The following USP54 variants were observed in gnomAD, a reference collection of about 807,000 sequenced individuals.
USP54 encodes ubiquitin specific peptidase 54.
USP54 carries 87 observed loss-of-function variants against 170.5 expected under a neutral mutation model. The observed-to-expected ratio is 0.51, with a 90% CI of 0.43 to 0.61. The LOEUF (loss-of-function observed/expected upper bound fraction) is 0.61. Ranked by LOEUF, USP54 falls within the 20% of genes least tolerant of loss-of-function variation. The probability of loss-of-function intolerance (pLI) is 0.00; values close to 1 mark genes in which losing one functional copy is unlikely to be tolerated. For synonymous variants in USP54, 655 were observed against 742.8 expected, an observed-to-expected ratio of 0.88 and a Z score of 1.92; for missense variants, 1,786 against 2,047.8, an observed-to-expected ratio of 0.87 and a Z score of 2.47.
At chr10:73,529,485 A>C in intron 15 of USP54, 195 bp downstream of exon 15, 1 of 668,190 alleles carries the variant, frequency 1.5e-6, no homozygotes, top group Non-Finnish European at 2.7e-6. Context: ...TATTTCAAAT[A>C]GAAAGTTCTC....
chr10:73,600,928 T>C (rs899781790), intron 1 of USP54, among the ~76,000 whole-genome samples: 7 of 152,050 alleles, frequency 4.6e-5, no homozygotes, highest in Admixed American at 2.6e-4. Flanking sequence ...AAACTACCTA[T>C]CAGGTACTAT....
rs1424677984 is a variant in USP54 at position 73,530,318 on chromosome 10, G to A, written c.1653C>T (p.His551=). Residue 551 remains histidine, a synonymous_variant, in exon 14 of 24, where the codon CAC becomes CAT. Transcript: ENST00000687698. ...DKKPPRTLPL[H]SRDWEIESTS... ...TACTCTCTATTTCCCAGTCACGAGA[G>A]TGTAAAGGCAGGGTCCTAGGAGGTT... The A allele has an allele frequency of 3.1e-6, 5 of 1,614,038 alleles. No individual in the cohort carries two copies. In the African/African-American group the frequency reaches 6.7e-5, roughly 22 times the overall value.
chr10:73,529,568 A>C (rs566989977), intron 15 of USP54, 112 bp downstream of exon 15: 15 of 1,181,356 alleles, frequency 1.3e-5, no homozygotes, highest in Non-Finnish European at 1.8e-5. Flanking sequence ...GAGCACATAG[A>C]GATAATAGCA....
intron 1 of USP54, among the ~76,000 whole-genome samples, chr10:73,600,588 T>A (rs973944616): frequency 2.6e-5 from 4 of 152,116 alleles, no homozygotes; most frequent in African/African-American, 9.7e-5. Context: ...TACTTGAGGA[T>A]AGAAGGTGGA....
chr10:73,526,533 C>T (rs2062893858), intron 16 of USP54, 114 bp downstream of exon 16: 2 of 1,464,424 alleles, frequency 1.4e-6, no homozygotes, highest in South Asian at 2.6e-5. Flanking sequence ...AGGTGTGAGC[C>T]ACCGCGCCCG....
In USP54 at chr10:73,530,805, T is replaced by A. The variant is rs1318952964; in HGVS notation, c.1346A>T (p.Lys449Ile). Residue 449 changes from lysine to isoleucine, a missense_variant, in exon 13 of 24, where the codon AAA becomes ATA. Lys to Ile is a moderately radical substitution (Grantham distance 102, BLOSUM62 -3). Around this residue, in one of 3 missense-constraint regions of USP54, gnomAD observed 1,418 missense variants for 1,569.0 expected, o/e 0.90. Transcript: ENST00000687698. Reference sequence around the variant, plus strand: ...CAGTGACCCTTTCTTGGATGTGTGTTTCTGATTACATTCACTATCAGTCAG... The same window carrying A: ...CAGTGACCCTTTCTTGGATGTGTGTATCTGATTACATTCACTATCAGTCAG... ...GHLTDSECNQ[K>I]HTSKKGSLIE... is the part of the protein sequence containing the mutation. 3 of 1,614,100 alleles carry A rather than the reference T, an allele frequency of 1.9e-6. No homozygotes were observed. Among genetic ancestry groups the A allele is most frequent in the Non-Finnish European group, 2.5e-6 (3 of 1,179,994 alleles).
At chr10:73,583,101 G>A in intron 1 of USP54, among the ~76,000 whole-genome samples, 1 of 152,070 alleles carries the variant, frequency 6.6e-6, no homozygotes, top group Non-Finnish European at 1.5e-5. Context: ...AACTGATATT[G>A]ATCAATACTC....
At chr10:73,571,010 C>T (rs1034776958) in intron 4 of USP54, among the ~76,000 whole-genome samples, 20 of 151,760 alleles carry the variant, frequency 1.3e-4, no homozygotes, top group Non-Finnish European at 1.8e-4. Flanking sequence ...TGGTGGCACA[C>T]GCCTATAATC....
At chr10:73,588,281 G>A (rs944560772) in intron 1 of USP54, among the ~76,000 whole-genome samples, 1 of 152,040 alleles carries the variant, frequency 6.6e-6, no homozygotes, top group African/African-American at 2.4e-5. Context: ...GTACAGTGGC[G>A]TGATCTTGGC....
intron 17 of USP54, among the ~76,000 whole-genome samples, chr10:73,521,944 C>T (rs922577083): frequency 1.3e-5 from 2 of 152,172 alleles, no homozygotes; most frequent in African/African-American, 2.4e-5. Context: ...CATAATCATA[C>T]ATTGGCAGCA....
intron 3 of USP54, among the ~76,000 whole-genome samples, chr10:73,573,299 A>T (rs1215119197): frequency 6.6e-6 from 1 of 152,170 alleles, no homozygotes; most frequent in Non-Finnish European, 1.5e-5. Context: ...CTCCAAAAAA[A>T]AGAGAAAGAA....
intron 20 of USP54, chr10:73,513,099 G>A (rs1241543078): frequency 2.0e-5 from 3 of 152,102 alleles, no homozygotes; most frequent in Non-Finnish European, 4.4e-5. Flanking sequence ...AGGAGCTCAT[G>A]AGAAACGTGA....
At position 73,619,280 on chromosome 10, in the gene USP54, C is replaced by T. The variant is rs562725252; in HGVS notation, c.-18+6287G>A. 3.3e-4 allele frequency among the ~76,000 whole-genome samples: 50 copies of T among 150,118 alleles called. 5 individuals are homozygous for T. The highest frequency in any genetic ancestry group is 1.2e-3 in the African/African-American group (49 of 39,676). On this transcript the variant is annotated intron_variant, in intron 1 of 22. Coordinates refer to the USP54 transcript ENST00000339859. ...TGTCTGTTAGTTACTCAGCCTGGAG[C>T]GCAGTAGTGGAATCATGGCTCACTA...
At chr10:73,625,617 T>G (rs546257435) in exon 1 of USP54, 1 of 152,796 alleles carries the variant, frequency 6.5e-6, no homozygotes, top group African/African-American at 2.4e-5. Flanking sequence ...CAATGTAGCC[T>G]GGTCCCTTTA....
intron 20 of USP54, among the ~76,000 whole-genome samples, chr10:73,508,202 T>C (rs961785790): frequency 1.3e-5 from 2 of 151,294 alleles, no homozygotes; most frequent in Non-Finnish European, 2.9e-5. Flanking sequence ...AGGTCAGGAG[T>C]TCAAGACCAC....
rs1434233868 is a variant in USP54 at position 73,516,416 on chromosome 10, C to T, written c.4010G>A (p.Trp1337Ter). 6.2e-7 allele frequency: 1 copy of T among 1,613,930 alleles called. No homozygotes were observed. The stretch of plus-strand genomic sequence containing the variant: ...GTGCCAGGCGGTATCCTGCTGCCCC[C>T]ATCCAGAACAGCCAGCTTGAGAAGC... ...LQASQAGCSGWGQQDTAWHPL... is the reference protein window; with the variant it reads ...LQASQAGCSG The change falls in exon 20 of 24, where the codon TGG becomes TAG. Residue 1337 changes from tryptophan (W) to a stop codon, truncating the protein, a stop_gained. Transcript: ENST00000687698. LOFTEE classifies it high-confidence loss of function.
At chr10:73,503,048 C>T (rs1030498924) in intron 22 of USP54, among the ~76,000 whole-genome samples, 1 of 152,176 alleles carries the variant, frequency 6.6e-6, no homozygotes, top group Non-Finnish European at 1.5e-5. Context: ...TTATCTCTAT[C>T]CTTCCAAACT....
Position 73,541,676 on chromosome 10 carries a change from A to G in USP54, c.635T>C (p.Leu212Pro). Residue 212 changes from leucine to proline, a missense_variant, in exon 8 of 24, where the codon CTG becomes CCG. Leu to Pro is a moderately conservative substitution (Grantham distance 98). Coordinates refer to ENST00000687698, the MANE Select transcript of USP54 (RefSeq NM_001391956.1). Reference sequence around the variant, plus strand: ...CCCCATGGTGCTGGCATTCTGCAGCAGCTCACCAAACATGCTTGGTGAAGG... The same window carrying G: ...CCCCATGGTGCTGGCATTCTGCAGCGGCTCACCAAACATGCTTGGTGAAGG... ...EKPSPSMFGE[L>P]LQNASTMGDL... is the part of the protein sequence containing the mutation. 1 of 1,614,200 alleles carries G rather than the reference A, an allele frequency of 6.2e-7. No homozygotes were observed.
In USP54 at chr10:73,619,169, A is replaced by T. The variant is rs1023403874; in HGVS notation, c.-18+6398T>A. Among the ~76,000 whole-genome samples, 5 of 150,574 alleles carry T rather than the reference A, an allele frequency of 3.3e-5. 1 individual carries two copies. Among genetic ancestry groups the T allele is most frequent in the African/African-American group, 1.3e-4 (5 of 39,922 alleles). On this transcript the variant is annotated intron_variant, in intron 1 of 22. Coordinates refer to the USP54 transcript ENST00000339859. ...TGAAGGTTGCATTCCAGCCTGGGCG[A>T]TGGAGCAAGACTTGTCTCAAAAAAA...
Sources: gnomAD v4.1 joint callset for allele counts (sites outside exome capture counted in the v4.1 genomes callset) on GRCh38, gnomAD v4.1.1 for gene constraint, gnomAD v4.1.1 regional missense constraint, MANE v1.5 for transcripts, NCBI Gene and HGNC (gene_info 2026-07-23, HGNC 2026-07-21) for gene names.